The following MYT1L variants were observed in gnomAD, a reference collection of about 807,000 sequenced individuals.
MYT1L encodes myelin transcription factor 1-like protein.
A neutral mutation model predicts 126.7 loss-of-function variants in MYT1L; 12 were observed. That is an observed-to-expected ratio of 0.09 (90% CI 0.06 to 0.15). The LOEUF (loss-of-function observed/expected upper bound fraction) is 0.15, where lower values mean the gene tolerates loss of function less well. Ranked by LOEUF, MYT1L falls within the 10% of genes least tolerant of loss-of-function variation. The probability of loss-of-function intolerance (pLI) is 1.00; values close to 1 mark genes in which losing one functional copy is unlikely to be tolerated. For missense variants in MYT1L, 979 were observed against 1,585.2 expected (o/e 0.62, Z 6.49); for synonymous variants, 541 against 604.2 (o/e 0.90, Z 1.53).
intron 2 of MYT1L, among the ~76,000 whole-genome samples, chr2:2,265,805 T>C (rs2095113156): frequency 1.3e-5 from 2 of 152,168 alleles, no homozygotes; most frequent in Non-Finnish European, 2.9e-5. Flanking sequence ...CATTTACGTT[T>C]GACAATGACA....
intron 5 of MYT1L, among the ~76,000 whole-genome samples, chr2:1,996,682 T>C (rs113573337): frequency 1.1e-4 from 15 of 132,434 alleles, no homozygotes; most frequent in African/African-American, 4.1e-4. Context: ...CAGTGTGGGC[T>C]GCACAGAACC....
chr2:1,981,574 C>T (rs1276460146), intron 5 of MYT1L, among the ~76,000 whole-genome samples: 1 of 152,186 alleles, frequency 6.6e-6, no homozygotes, highest in Non-Finnish European at 1.5e-5. Flanking sequence ...GGAAAGACGA[C>T]ATCAGACGGT....
chr2:2,275,245 T>C (rs903642227), intron 2 of MYT1L, among the ~76,000 whole-genome samples: 12 of 148,020 alleles, frequency 8.1e-5, no homozygotes, highest in East Asian at 2.0e-4. Flanking sequence ...TGTGTGTGTG[T>C]GCATGCCTGT....
chr2:1,817,287 C>T (rs894250520), intron 21 of MYT1L, among the ~76,000 whole-genome samples: 1 of 152,116 alleles, frequency 6.6e-6, no homozygotes, highest in African/African-American at 2.4e-5. Context: ...CAGAGGCCAC[C>T]GGTGCAGGGA....
chr2:2,261,309 T>C (rs1258292422), intron 2 of MYT1L, among the ~76,000 whole-genome samples: 2 of 152,148 alleles, frequency 1.3e-5, no homozygotes, highest in African/African-American at 4.8e-5. Flanking sequence ...TTTGATATTG[T>C]TGTTCAGTTG....
intron 1 of MYT1L, among the ~76,000 whole-genome samples, chr2:2,295,713 CAGAG>C (rs1229343280): frequency 3.9e-4 from 10 of 25,536 alleles, no homozygotes; most frequent in Non-Finnish European, 9.9e-4. Flanking sequence ...GACAGACAGA[CAGAG>C]AGAGAGATAG....
At chr2:2,092,532 G>T (rs749732038) in intron 3 of MYT1L, among the ~76,000 whole-genome samples, 2 of 152,210 alleles carry the variant, frequency 1.3e-5, no homozygotes, top group Non-Finnish European at 2.9e-5. Context: ...AGCAAGTGCT[G>T]TTGGAAAAAA....
intron 8 of MYT1L, among the ~76,000 whole-genome samples, chr2:1,964,308 C>T (rs75686675): frequency 0.027 from 4,055 of 152,184 alleles, 66 homozygotes; most frequent in Non-Finnish European, 0.042. Context: ...TGACCACAGA[C>T]GCCATAACAG....
Position 1,912,007 on chromosome 2 carries a change from A to T in MYT1L, c.1709+13T>A. On this transcript the variant is annotated intron_variant, in intron 12 of 24. Coordinates refer to ENST00000647738, the MANE Select transcript of MYT1L (RefSeq NM_001303052.2). This position sits in a 1 kb window ranked among gnomAD's most constrained non-coding sequence, Gnocchi z 4.3. ...GTGCTCCCTCCCACACCAGTGACCC[A>T]CGCGTGGCTTACCTTCGGTGGGAGT... 6.3e-7 allele frequency: 1 copy of T among 1,585,486 alleles called. No individual in the cohort carries two copies.
At chr2:2,043,220 G>A (rs947624944) in intron 4 of MYT1L, among the ~76,000 whole-genome samples, 3 of 152,128 alleles carry the variant, frequency 2.0e-5, no homozygotes, top group Non-Finnish European at 2.9e-5. Context: ...GGACTCTTGA[G>A]CCCTCAATCC....
intron 1 of MYT1L, among the ~76,000 whole-genome samples, chr2:2,295,615 G>C (rs1573288159): frequency 2.9e-5 from 4 of 139,042 alleles, no homozygotes; most frequent in South Asian, 2.4e-4. Flanking sequence ...CAGACAGAGA[G>C]AGAGAGAGAG....
At chr2:2,238,766 AC>A (rs2094378788) in intron 2 of MYT1L, among the ~76,000 whole-genome samples, 1 of 152,258 alleles carries the variant, frequency 6.6e-6, no homozygotes, top group African/African-American at 2.4e-5. Flanking sequence ...TGTAGTAAAT[AC>A]ATCTCTACAT....
intron 3 of MYT1L, among the ~76,000 whole-genome samples, chr2:2,108,767 C>A (rs942604096): frequency 6.6e-6 from 1 of 152,246 alleles, no homozygotes; most frequent in South Asian, 2.1e-4. Context: ...AAAGATACAG[C>A]GTTTGATCTT....
intron 3 of MYT1L, among the ~76,000 whole-genome samples, chr2:2,086,697 C>T (rs76688230): frequency 0.071 from 10,878 of 152,238 alleles, 539 homozygotes; most frequent in Non-Finnish European, 0.11. Flanking sequence ...CCCAGGCCTC[C>T]GCTCTCTTAG....
intron 5 of MYT1L, among the ~76,000 whole-genome samples, chr2:1,995,103 G>T (rs538051107): frequency 6.6e-6 from 1 of 152,216 alleles, no homozygotes; most frequent in Non-Finnish European, 1.5e-5. Context: ...TTAGAGACAG[G>T]GTATGGGCTT....
At chr2:1,808,004 A>G (rs1175592855) in intron 22 of MYT1L, among the ~76,000 whole-genome samples, 3 of 152,024 alleles carry the variant, frequency 2.0e-5, no homozygotes, top group Non-Finnish European at 2.9e-5. Context: ...GGCTTTTCCC[A>G]CTTTGCTCTG....
chr2:2,278,533 G>A lies in MYT1L; in HGVS notation c.-421+5871C>T, dbSNP rs12463653. Among the ~76,000 whole-genome samples, 863 of 152,246 alleles carry A rather than the reference G, an allele frequency of 5.7e-3. 26 individuals carry two copies. Among genetic ancestry groups the A allele is most frequent in the East Asian group, 0.056 (292 of 5,176 alleles). The stretch of plus-strand genomic sequence containing the variant: ...CTGTCGCTTATCTAGACCTCCATTT[G>A]ATAACCATTTCTATATTATTTTGAA... On this transcript the variant is annotated intron_variant, in intron 2 of 24. Coordinates refer to ENST00000647738, the MANE Select transcript of MYT1L (RefSeq NM_001303052.2).
At chr2:2,002,094 C>T (rs2062448639) in intron 4 of MYT1L, among the ~76,000 whole-genome samples, 1 of 152,180 alleles carries the variant, frequency 6.6e-6, no homozygotes, top group Admixed American at 6.5e-5. Flanking sequence ...GTATGACATC[C>T]TCAAATGCTT....
At chr2:2,083,612 T>A (rs981428496) in intron 3 of MYT1L, among the ~76,000 whole-genome samples, 1 of 152,216 alleles carries the variant, frequency 6.6e-6, no homozygotes, top group African/African-American at 2.4e-5. Context: ...AATCGTACAA[T>A]TTTTCAGACC....
Sources: allele counts gnomAD v4.1 joint callset (sites outside exome capture counted in the v4.1 genomes callset), GRCh38; gene constraint gnomAD v4.1.1; non-coding constraint Gnocchi (gnomAD v3.1); transcripts MANE v1.5; gene names NCBI Gene and HGNC (gene_info 2026-07-23, HGNC 2026-07-21).